Variants in CHRM3 observed in about 807,000 individuals in gnomAD.
CHRM3 encodes the protein muscarinic acetylcholine receptor M3.
Under a neutral mutation model 41.8 loss-of-function variants are expected in CHRM3, and 11 were observed. That is an observed-to-expected ratio of 0.26 (90% CI 0.17 to 0.44). The LOEUF (loss-of-function observed/expected upper bound fraction) is 0.44. CHRM3 is among the 20% of genes least tolerant of loss of function. The pLI, the probability that CHRM3 is intolerant of heterozygous loss-of-function variation, is 1.00. For missense variants in CHRM3, 571 were observed against 745.4 expected (o/e 0.77, Z 2.72); for synonymous variants, 297 against 301.4 (o/e 0.99, Z 0.15).
At chr1:239,647,268 T>C (rs1235778861) in intron 4 of CHRM3, among the ~76,000 whole-genome samples, 3 of 152,146 alleles carry the variant, frequency 2.0e-5, no homozygotes, top group Non-Finnish European at 4.4e-5. Context: ...ACTCCAACTG[T>C]GGTTGCCAGA....
intron 1 of CHRM3, among the ~76,000 whole-genome samples, chr1:239,421,773 C>T (rs1661972288): frequency 6.6e-6 from 1 of 152,100 alleles, no homozygotes; most frequent in African/African-American, 2.4e-5. Context: ...TTCCTCATCT[C>T]TCTATTTCTC....
chr1:239,547,532 T>G (rs182693377), intron 3 of CHRM3, among the ~76,000 whole-genome samples: 2 of 152,270 alleles, frequency 1.3e-5, no homozygotes, highest in Non-Finnish European at 2.9e-5. Flanking sequence ...ATTGTGAAGT[T>G]TTCAAAAACC....
chr1:239,903,721 C>G (rs937209631), intron 6 of CHRM3, among the ~76,000 whole-genome samples: 6 of 152,190 alleles, frequency 3.9e-5, no homozygotes, highest in Non-Finnish European at 2.9e-5. Context: ...TTTGCTTACT[C>G]TAGATTTCCC....
intron 5 of CHRM3, among the ~76,000 whole-genome samples, chr1:239,753,788 G>C (rs1049402556): frequency 2.0e-5 from 3 of 152,136 alleles, no homozygotes; most frequent in African/African-American, 7.2e-5. Flanking sequence ...CTGTTATTTA[G>C]CAAATGACCA....
chr1:239,589,587 CA>C (rs1480661533), intron 3 of CHRM3, among the ~76,000 whole-genome samples: 3 of 144,072 alleles, frequency 2.1e-5, no homozygotes, highest in African/African-American at 7.6e-5. Flanking sequence ...ACAGTGCTTG[CA>C]ATTAGCACCT....
chr1:239,563,903 G>T (rs1046292111), intron 3 of CHRM3, among the ~76,000 whole-genome samples: 1 of 152,170 alleles, frequency 6.6e-6, no homozygotes, highest in African/African-American at 2.4e-5. Flanking sequence ...TGTCTAAAGA[G>T]TTCCTCTTTT....
chr1:239,535,828 G>A (rs542100642), intron 2 of CHRM3, among the ~76,000 whole-genome samples: 1 of 152,204 alleles, frequency 6.6e-6, no homozygotes, highest in African/African-American at 2.4e-5. Flanking sequence ...TTAGTCCGGA[G>A]CAAAGATAAG....
At chr1:239,426,169 A>C (rs2103131529) in intron 1 of CHRM3, among the ~76,000 whole-genome samples, 1 of 78,806 alleles carries the variant, frequency 1.3e-5, no homozygotes, top group Non-Finnish European at 2.3e-5. Context: ...CCACCCCACA[A>C]CAGGCCCGGT....
At chr1:239,856,391 G>A (rs532935581) in intron 6 of CHRM3, among the ~76,000 whole-genome samples, 10 of 152,180 alleles carry the variant, frequency 6.6e-5, no homozygotes, top group East Asian at 5.8e-4. Context: ...GAGTTCTCAC[G>A]AAATCTGATT....
chr1:239,553,768 A>T (rs1280520487), intron 3 of CHRM3, among the ~76,000 whole-genome samples: 1 of 152,174 alleles, frequency 6.6e-6, no homozygotes, highest in Non-Finnish European at 1.5e-5. Flanking sequence ...ATGGAGATAT[A>T]ATTACCGGTG....
intron 6 of CHRM3, among the ~76,000 whole-genome samples, chr1:239,893,759 A>G (rs971393023): frequency 9.2e-5 from 14 of 152,046 alleles, no homozygotes; most frequent in African/African-American, 2.9e-4. Context: ...AAAAGAATTT[A>G]GAAAACATGT....
At chr1:239,674,579 G>A (rs758147692) in intron 4 of CHRM3, among the ~76,000 whole-genome samples, 18 of 151,670 alleles carry the variant, frequency 1.2e-4, no homozygotes, top group African/African-American at 2.7e-4. Flanking sequence ...GCTTGGTGGC[G>A]GGCGCCTGTA....
At chr1:239,406,019 G>C (rs754145115) in intron 1 of CHRM3, among the ~76,000 whole-genome samples, 122 of 152,246 alleles carry the variant, frequency 8.0e-4, no homozygotes, top group Non-Finnish European at 1.5e-3. Flanking sequence ...AGCCTCCCGA[G>C]TAGCTGGGAC....
At chr1:239,490,264 T>A (rs969121306) in intron 1 of CHRM3, among the ~76,000 whole-genome samples, 3 of 152,208 alleles carry the variant, frequency 2.0e-5, no homozygotes, top group Non-Finnish European at 4.4e-5. Context: ...TATGTACATG[T>A]GGCAGTTGTG....
rs538421527 is a variant in CHRM3 at position 239,539,085 on chromosome 1, G to A, written c.-421-6556G>A. On this transcript the variant is annotated intron_variant, in intron 2 of 6. Transcript: ENST00000676153. ...CCAACCCTTGGTGTGCTTAAGACAT[G>A]GCTTTGTCAGATGTAAAACTCTGGA... Among the ~76,000 whole-genome samples, 3 of 152,192 alleles carry A rather than the reference G, an allele frequency of 2.0e-5. No homozygotes were observed. In the South Asian group the frequency reaches 6.2e-4, roughly 32 times the overall value.
At chr1:239,420,849 TA>T (rs1661898866) in intron 1 of CHRM3, among the ~76,000 whole-genome samples, 1 of 152,164 alleles carries the variant, frequency 6.6e-6, no homozygotes, top group African/African-American at 2.4e-5. Context: ...ACCATAATAT[TA>T]AAACAATGAA....
At chr1:239,525,063 T>C (rs1572596916) in intron 2 of CHRM3, among the ~76,000 whole-genome samples, 1 of 152,202 alleles carries the variant, frequency 6.6e-6, no homozygotes, top group South Asian at 2.1e-4. Flanking sequence ...CAAATTTTCA[T>C]GTATTAAGAT....
chr1:239,618,844 A>G (rs796483218), intron 3 of CHRM3, among the ~76,000 whole-genome samples: 2,150 of 76,380 alleles, frequency 0.028, 65 homozygotes, highest in East Asian at 0.12. Flanking sequence ...ACTCTGTCAG[A>G]AAAAAAAAAA....
chr1:239,747,002 C>T (rs962784525), intron 5 of CHRM3, among the ~76,000 whole-genome samples: 1 of 151,980 alleles, frequency 6.6e-6, no homozygotes, highest in Non-Finnish European at 1.5e-5. Context: ...GTGATCCGCC[C>T]GCCTCAGCTT....
Sources: gnomAD v4.1 joint callset for allele counts (sites outside exome capture counted in the v4.1 genomes callset) on GRCh38, gnomAD v4.1.1 for gene constraint, MANE v1.5 for transcripts, NCBI Gene and HGNC (gene_info 2026-07-23, HGNC 2026-07-21) for gene names.